XKR6: variants seen among roughly 807,000 people sequenced by gnomAD.
XKR6 encodes XK related 6, also known as XK-related protein 6.
A neutral mutation model predicts 56.7 loss-of-function variants in XKR6; 22 were observed. The ratio of observed to expected loss-of-function variants is 0.39; its 90% CI spans 0.28 to 0.55. The LOEUF (loss-of-function observed/expected upper bound fraction) is 0.55. XKR6 is among the 20% of genes least tolerant of loss of function. The pLI is 0.66. For missense variants in XKR6, 852 were observed against 889.0 expected, an observed-to-expected ratio of 0.96 and a Z score of 0.53; for synonymous variants, 524 against 387.8, an observed-to-expected ratio of 1.35 and a Z score of -4.13.
intron 1 of XKR6, among the ~76,000 whole-genome samples, chr8:11,103,841 C>A (rs965046203): frequency 6.6e-6 from 1 of 152,190 alleles, no homozygotes; most frequent in Non-Finnish European, 1.5e-5. Context: ...GATTTAGCAT[C>A]TTTTCTCTGC....
intron 1 of XKR6, among the ~76,000 whole-genome samples, chr8:10,992,375 G>A (rs1798013689): frequency 6.6e-6 from 1 of 152,024 alleles, no homozygotes; most frequent in Non-Finnish European, 1.5e-5. Context: ...CTATCTGAAA[G>A]CCCATCCCTC....
intron 1 of XKR6, among the ~76,000 whole-genome samples, chr8:10,965,780 A>G (rs1802204364): frequency 6.6e-6 from 1 of 152,242 alleles, no homozygotes; most frequent in Non-Finnish European, 1.5e-5. Context: ...AGTGAGAACG[A>G]TTGAACAGAT....
chr8:11,154,773 G>C (rs934513720), intron 1 of XKR6, among the ~76,000 whole-genome samples: 1 of 152,060 alleles, frequency 6.6e-6, no homozygotes, highest in African/African-American at 2.4e-5. Context: ...CTATAAACAG[G>C]GTCTACCCTT....
Position 10,961,033 on chromosome 8 carries a change from C to T in XKR6, c.765-36203G>A, listed in dbSNP as rs114390063. On this transcript the variant is annotated intron_variant, in intron 1 of 2. Transcript: ENST00000416569. The stretch of plus-strand genomic sequence containing the variant: ...GAGGAGGAACCAGCCAGGCAAAGAT[C>T]GAGGGGCAGAGGGCACGGGTGCTGG... Among the ~76,000 whole-genome samples the T allele has an allele frequency of 6.9e-3, 1,044 of 152,114 alleles. 10 individuals are homozygous for T. The highest frequency in any genetic ancestry group is 0.024 in the African/African-American group (998 of 41,478).
At position 11,200,773 on chromosome 8, in the gene XKR6, C is replaced by A. The variant is rs369443880; in HGVS notation, c.567G>T (p.Thr189=). 31 of 1,602,680 alleles carry A rather than the reference C, an allele frequency of 1.9e-5. No homozygotes were observed. Among genetic ancestry groups the A allele is most frequent in the African/African-American group, 1.5e-4 (11 of 73,418 alleles). Residue 189 remains threonine (T), a synonymous_variant, in exon 1 of 3, where the codon ACG becomes ACT. Coordinates refer to ENST00000416569, the MANE Select transcript of XKR6 (RefSeq NM_173683.4). This position sits in a 1 kb window ranked among gnomAD's most constrained non-coding sequence, Gnocchi z 6.4. ...CCTCCACGGCGCCCAGCCCGCCGCCCGTGTAGTCCTGCACGAACCAGCGGA... is the reference window on the plus strand; with the variant it reads ...CCTCCACGGCGCCCAGCCCGCCGCCAGTGTAGTCCTGCACGAACCAGCGGA... ...LSFRWFVQDY[T]GGGLGAVEGL... is the part of the protein sequence containing the mutation.
intron 1 of XKR6, among the ~76,000 whole-genome samples, chr8:11,019,101 A>G (rs747643284): frequency 6.6e-6 from 1 of 152,192 alleles, no homozygotes; most frequent in Non-Finnish European, 1.5e-5. Flanking sequence ...AGAGTCTGCC[A>G]TGCATCACTG....
intron 1 of XKR6, among the ~76,000 whole-genome samples, chr8:11,056,595 G>A (rs902038111): frequency 3.3e-5 from 5 of 152,192 alleles, no homozygotes; most frequent in Non-Finnish European, 7.3e-5. Flanking sequence ...CAGCTTCCCC[G>A]GAACTGGGGA....
intron 1 of XKR6, among the ~76,000 whole-genome samples, chr8:11,017,334 A>G (rs1340822473): frequency 6.6e-6 from 1 of 152,192 alleles, no homozygotes; most frequent in African/African-American, 2.4e-5. Flanking sequence ...GGCTTTGGCA[A>G]CCTCCTCAAT....
intron 1 of XKR6, among the ~76,000 whole-genome samples, chr8:11,019,500 G>A (rs1435921026): frequency 6.6e-6 from 1 of 152,236 alleles, no homozygotes; most frequent in East Asian, 1.9e-4. Context: ...CCTCCTCTGG[G>A]GATGGAGACA....
chr8:11,135,979 C>T (rs1800370597), intron 1 of XKR6, among the ~76,000 whole-genome samples: 1 of 152,048 alleles, frequency 6.6e-6, no homozygotes, highest in Non-Finnish European at 1.5e-5. Context: ...CTCAAAGTTA[C>T]CAGTGTTTCA....
At chr8:11,130,047 C>G (rs886546522) in intron 1 of XKR6, among the ~76,000 whole-genome samples, 18 of 152,066 alleles carry the variant, frequency 1.2e-4, no homozygotes, top group Admixed American at 6.6e-5. Flanking sequence ...AATTAATTCT[C>G]CAAAGCCACA....
intron 1 of XKR6, chr8:11,175,140 A>T (rs1802589188): frequency 6.6e-6 from 1 of 152,482 alleles, no homozygotes; most frequent in Non-Finnish European, 1.5e-5. Context: ...CACTTGTGAC[A>T]TTACCCAGGC....
chr8:11,195,013 G>A (rs960221141), intron 1 of XKR6: 5 of 591,346 alleles, frequency 8.5e-6, no homozygotes, highest in Non-Finnish European at 1.5e-5. Context: ...TCAAAAACAA[G>A]AAATAAATCT....
chr8:11,083,752 G>C (rs1797800906), intron 1 of XKR6, among the ~76,000 whole-genome samples: 1 of 152,184 alleles, frequency 6.6e-6, no homozygotes, highest in African/African-American at 2.4e-5. Context: ...GATCTGGAAA[G>C]CTGCTGTAAA....
At chr8:11,193,791 T>A (rs116357315) in intron 1 of XKR6, among the ~76,000 whole-genome samples, 8,150 of 130,414 alleles carry the variant, frequency 0.062, 264 homozygotes, top group South Asian at 0.13. Flanking sequence ...CAGAAAAACC[T>A]CCAAAATACT....
At chr8:10,991,153 C>G (rs1797982677) in intron 1 of XKR6, among the ~76,000 whole-genome samples, 1 of 152,124 alleles carries the variant, frequency 6.6e-6, no homozygotes, top group South Asian at 2.1e-4. Context: ...ATCCACCTGT[C>G]TCAGCCTCCC....
At chr8:11,033,382 GTGA>G (rs1216034523) in intron 1 of XKR6, among the ~76,000 whole-genome samples, 33 of 148,090 alleles carry the variant, frequency 2.2e-4, no homozygotes, top group Middle Eastern at 3.5e-3. Flanking sequence ...GATGGTGGTG[GTGA>G]TGATGATGAT....
intron 1 of XKR6, among the ~76,000 whole-genome samples, chr8:11,121,386 C>G (rs1302289459): frequency 1.3e-5 from 2 of 152,180 alleles, no homozygotes; most frequent in African/African-American, 4.8e-5. Flanking sequence ...AGGATATGAA[C>G]AGACACTTCT....
chr8:11,135,317 C>T (rs1800333036), intron 1 of XKR6, among the ~76,000 whole-genome samples: 1 of 152,134 alleles, frequency 6.6e-6, no homozygotes, highest in Admixed American at 6.6e-5. Flanking sequence ...GCGTGAGCCA[C>T]CATGCCCGGC....
Sources: gnomAD v4.1 joint callset for allele counts (sites outside exome capture counted in the v4.1 genomes callset) on GRCh38, gnomAD v4.1.1 for gene constraint, Gnocchi (gnomAD v3.1) non-coding constraint, MANE v1.5 for transcripts, NCBI Gene and HGNC (gene_info 2026-07-23, HGNC 2026-07-21) for gene names.